The following HMX1 variants were observed in gnomAD, a reference collection of about 807,000 sequenced individuals.
HMX1 encodes homeobox protein HMX1.
Under a neutral mutation model 8.9 loss-of-function variants are expected in HMX1, and 8 were observed. The observed-to-expected ratio is 0.90, with a 90% CI of 0.53 to 1.63. The LOEUF is 1.63. HMX1 is among the 40% of genes most tolerant of loss of function. The pLI is 0.00. For synonymous variants in HMX1, 311 were observed against 283.4 expected (o/e 1.10, Z -0.98); for missense variants, 621 against 558.5 (o/e 1.11, Z -1.13).
In HMX1 at chr4:8,868,064, G is replaced by C. The variant is rs781198310; in HGVS notation, c.676C>G (p.Arg226Gly). 6.5e-7 allele frequency: 1 copy of C among 1,539,688 alleles called. No individual in the cohort carries two copies. The highest frequency in any genetic ancestry group is 8.7e-7 in the Non-Finnish European group (1 of 1,146,218). ...GCGCGCTCGGCGCTGCTCAGGTAGC[G>C]CTTCAGGTCGAAGGTGGATTCCAGC... ...FQLESTFDLK[R>G]YLSSAERAGL... The change falls in exon 2 of 2, where the codon CGC becomes GGC. Residue 226 changes from arginine (R) to glycine (G), a missense_variant. Physicochemically the swap from Arg to Gly is moderately radical, Grantham distance 125 (BLOSUM62 -2). Coordinates refer to ENST00000400677, the MANE Select transcript of HMX1 (RefSeq NM_018942.3). This position sits in a 1 kb window ranked among gnomAD's most constrained non-coding sequence, Gnocchi z 4.6.
downstream of HMX1, among the ~76,000 whole-genome samples, chr4:8,863,038 C>T (rs1045506998): frequency 2.0e-5 from 2 of 99,318 alleles, no homozygotes; most frequent in East Asian, 3.2e-4. Flanking sequence ...GCCCAGCGAA[C>T]GAATTTCCGG....
rs961487577 is a variant in HMX1 at position 8,871,189 on chromosome 4, G to A, written c.394+32C>T. ...CGCAGGGAGGAAGTCGGGCCCCACC[G>A]CCTGACCCACCCTCCCCGCGCCCTC... On this transcript the variant is annotated intron_variant, in intron 1 of 1. Coordinates refer to ENST00000400677, the MANE Select transcript of HMX1 (RefSeq NM_018942.3). The surrounding 1 kb of genome is among the most constrained non-coding windows in gnomAD (Gnocchi z 4.8). 13 of 1,381,342 alleles carry A rather than the reference G, an allele frequency of 9.4e-6. No individual in the cohort carries two copies. The highest frequency in any genetic ancestry group is 1.5e-5 in the African/African-American group (1 of 64,684). 85.6% of individuals were successfully genotyped at this position (1,381,342 alleles called of 1,614,324 possible). A position where few individuals can be genotyped will look rare whatever the true frequency, so the allele number is the denominator to read the frequency against.
chr4:8,858,234 G>C (rs1030688778), intron 1 of HMX1, among the ~76,000 whole-genome samples: 1 of 152,136 alleles, frequency 6.6e-6, no homozygotes, highest in Non-Finnish European at 1.5e-5. Flanking sequence ...CGCGCGCGGA[G>C]CTGGAGCCCC....
Position 8,867,104 on chromosome 4 carries a change from C to A in HMX1, c.*589G>T. ...AAATAAGTAGATTCATTTAAAAAAA[C>A]AACAACCCGGAGGCTGCGACGTCTG... On this transcript the variant is annotated 3_prime_UTR_variant, in exon 2 of 2. Transcript: ENST00000400677. 2.0e-6 allele frequency: 2 copies of A among 985,438 alleles called. No individual in the cohort carries two copies. The highest frequency in any genetic ancestry group is 1.7e-5 in the African/African-American group (1 of 57,354). 61.0% of individuals were successfully genotyped at this position (985,438 alleles called of 1,614,324 possible).
At chr4:8,852,149 A>G (rs934059331) in intron 1 of HMX1, among the ~76,000 whole-genome samples, 6 of 152,240 alleles carry the variant, frequency 3.9e-5, no homozygotes, top group South Asian at 2.1e-4. Context: ...CCTGCATTCA[A>G]TGGGCAATCA....
chr4:8,871,080 C>G lies in HMX1; in HGVS notation c.394+141G>C. On this transcript the variant is annotated intron_variant, in intron 1 of 1. Transcript: ENST00000400677. This position sits in a 1 kb window ranked among gnomAD's most constrained non-coding sequence, Gnocchi z 4.8. ...AGCCCAACCAGGGGCTCCTGGGGGC[C>G]CCACAAGGCCCAGACGCCGTTCCAC... 1 of 969,168 alleles carries G rather than the reference C, an allele frequency of 1.0e-6. No individual in the cohort carries two copies. Among genetic ancestry groups the G allele is most frequent in the Non-Finnish European group, 1.3e-6 (1 of 747,496 alleles). 60.0% of individuals were successfully genotyped at this position (969,168 alleles called of 1,614,324 possible). A position where few individuals can be genotyped will look rare whatever the true frequency, so the allele number is the denominator to read the frequency against.
downstream of HMX1, among the ~76,000 whole-genome samples, chr4:8,862,852 G>A (rs996845505): frequency 1.3e-5 from 2 of 152,168 alleles, no homozygotes; most frequent in Non-Finnish European, 2.9e-5. Flanking sequence ...AGCTGTTCTC[G>A]GCGCCCGATC....
rs764870860 is a variant in HMX1, at chr4:8,867,950, C to A, written c.790G>T (p.Ala264Ser). 1 of 1,493,760 alleles carries A rather than the reference C, an allele frequency of 6.7e-7. No homozygotes were observed. The highest frequency in any genetic ancestry group is 1.3e-5 in the South Asian group (1 of 78,992). 92.5% of individuals were successfully genotyped at this position (1,493,760 alleles called of 1,614,324 possible). Residue 264 changes from alanine (A) to serine (S), a missense_variant, in exon 2 of 2, where the codon GCC (alanine) becomes TCC (serine). By Grantham distance (99) the Ala-to-Ser change is moderately conservative. Transcript: ENST00000400677. ...RRNKWKRQLA[A>S]ELEAASLSPP... ...GACAGGCTGGCCGCCTCCAGCTCGG[C>A]TGCCAGCTGCCGCTTCCACTTGTTG...
At position 8,870,604 on chromosome 4, in the gene HMX1, A is replaced by G. The variant is rs925094561; in HGVS notation, c.394+617T>C. Among the ~76,000 whole-genome samples the G allele has an allele frequency of 6.6e-6, 1 of 152,126 alleles. No individual in the cohort carries two copies. The highest frequency in any genetic ancestry group is 1.5e-5 in the Non-Finnish European group (1 of 68,002). On this transcript the variant is annotated intron_variant, in intron 1 of 1. Coordinates refer to ENST00000400677, the MANE Select transcript of HMX1 (RefSeq NM_018942.3). The surrounding 1 kb of genome is among the most constrained non-coding windows in gnomAD (Gnocchi z 4.4). ...TGTCTGCAGCGGGCACAGAGGAAAC[A>G]GGACTCTGGGGGGGCACAGCTGCCA...
In HMX1 at chr4:8,868,037, C is replaced by T. The variant is rs1722074687; in HGVS notation, c.703G>A (p.Gly235Ser). ...GTGAGCTGCAGGGAGGCGGCCAGGC[C>T]GGCGCGCTCGGCGCTGCTCAGGTAG... The part of the protein sequence containing the change: ...KRYLSSAERA[G>S]LAASLQLTET... Residue 235 changes from glycine (G) to serine (S), a missense_variant, in exon 2 of 2, where the codon GGC (glycine) becomes AGC (serine). Physicochemically the swap from Gly to Ser is moderately conservative, Grantham distance 56 (BLOSUM62 0). Transcript: ENST00000400677. This position sits in a 1 kb window ranked among gnomAD's most constrained non-coding sequence, Gnocchi z 4.6. 6.5e-7 allele frequency: 1 copy of T among 1,533,976 alleles called. No homozygotes were observed.
In HMX1 at chr4:8,867,547, G is replaced by A. The variant is rs146878642; in HGVS notation, c.*146C>T. 10,112 of 1,184,266 alleles carry A rather than the reference G, an allele frequency of 8.5e-3. 561 individuals carry two copies. In the African/African-American group the frequency reaches 0.12, roughly 15 times the overall value. The allele number at this position is 1,184,266 out of a possible 1,614,324, so 73.4% of individuals were successfully genotyped here. A position where few individuals can be genotyped will look rare whatever the true frequency, so the allele number is the denominator to read the frequency against. On this transcript the variant is annotated 3_prime_UTR_variant, in exon 2 of 2. Transcript: ENST00000400677. The stretch of plus-strand genomic sequence containing the variant: ...TCCCCACAGAAGCTGAGGCCCGCCC[G>A]GCCGCGGCCTGCGCTCCCGAGGTAT...
At chr4:8,851,834 C>T (rs1464547878) in intron 1 of HMX1, among the ~76,000 whole-genome samples, 2 of 152,256 alleles carry the variant, frequency 1.3e-5, no homozygotes, top group Non-Finnish European at 2.9e-5. Context: ...GACCATCATT[C>T]CCACCAGCAG....
In HMX1 at chr4:8,871,639, G is replaced by A. The variant is rs1722229762; in HGVS notation, c.-25C>T. ...TCGCGGCCGCGGGCTTCTCGGGCTCGGCCGGGCTCCTCGGTCCCCGCTGGG... is the reference window on the plus strand; with the variant it reads ...TCGCGGCCGCGGGCTTCTCGGGCTCAGCCGGGCTCCTCGGTCCCCGCTGGG... On this transcript the variant is annotated 5_prime_UTR_variant, in exon 1 of 2. Transcript: ENST00000400677. This position sits in a 1 kb window ranked among gnomAD's most constrained non-coding sequence, Gnocchi z 4.8. The A allele has an allele frequency of 1.6e-6, 2 of 1,235,580 alleles. No homozygotes were observed. The highest frequency in any genetic ancestry group is 3.5e-5 in the East Asian group (1 of 28,274). 76.5% of individuals were successfully genotyped at this position (1,235,580 alleles called of 1,614,324 possible).
Position 8,870,103 on chromosome 4 carries a change from G to A in HMX1, c.394+1118C>T, listed in dbSNP as rs1041593836. Reference sequence around the variant, plus strand: ...GTTATCTAACAAGTGAGTGAGGGTCGTAGGCCACTTACTCCCCAGCACACA... The same window carrying A: ...GTTATCTAACAAGTGAGTGAGGGTCATAGGCCACTTACTCCCCAGCACACA... On this transcript the variant is annotated intron_variant, in intron 1 of 1. Transcript: ENST00000400677. This position sits in a 1 kb window ranked among gnomAD's most constrained non-coding sequence, Gnocchi z 4.4. Among the ~76,000 whole-genome samples, 3 of 152,040 alleles carry A rather than the reference G, an allele frequency of 2.0e-5. No homozygotes were observed. Among genetic ancestry groups the A allele is most frequent in the African/African-American group, 4.8e-5 (2 of 41,384 alleles).
intron 1 of HMX1, among the ~76,000 whole-genome samples, chr4:8,857,216 G>A (rs931979229): frequency 3.3e-5 from 5 of 152,220 alleles, no homozygotes; most frequent in Non-Finnish European, 5.9e-5. Context: ...TGCAGCCGCC[G>A]AGGAAGCGTC....
chr4:8,867,497 G>T lies in HMX1; in HGVS notation c.*196C>A, dbSNP rs977287271. ...GGATCCAGCCTGGCAAATGGGTGGG[G>T]CGTCCCATTACATTCTAGAGGCGCT... On this transcript the variant is annotated 3_prime_UTR_variant, in exon 2 of 2. Transcript: ENST00000400677. 2 of 1,174,394 alleles carry T rather than the reference G, an allele frequency of 1.7e-6. No individual in the cohort carries two copies. Among genetic ancestry groups the T allele is most frequent in the African/African-American group, 1.6e-5 (1 of 62,330 alleles). The allele number at this position is 1,174,394 out of a possible 1,614,324, so 72.7% of individuals were successfully genotyped here.
At chr4:8,857,986 G>A (rs933651510) in intron 1 of HMX1, among the ~76,000 whole-genome samples, 1 of 151,992 alleles carries the variant, frequency 6.6e-6, no homozygotes, top group Non-Finnish European at 1.5e-5. Flanking sequence ...GAAGCCGAGG[G>A]GTGGCTTTTA....
At chr4:8,860,112 G>T (rs957045306) in intron 1 of HMX1, among the ~76,000 whole-genome samples, 2 of 152,258 alleles carry the variant, frequency 1.3e-5, no homozygotes, top group Non-Finnish European at 2.9e-5. Flanking sequence ...AAGTGCGCGG[G>T]TCAGCAGGGC....
chr4:8,865,413 C>T (rs1291512416), downstream of HMX1, among the ~76,000 whole-genome samples: 2 of 152,164 alleles, frequency 1.3e-5, no homozygotes, highest in African/African-American at 2.4e-5. Context: ...CGAGGCAGTG[C>T]CACCGGCACA....
Sources: allele counts gnomAD v4.1 joint callset (sites outside exome capture counted in the v4.1 genomes callset), GRCh38; gene constraint gnomAD v4.1.1; non-coding constraint Gnocchi (gnomAD v3.1); transcripts MANE v1.5; gene names NCBI Gene and HGNC (gene_info 2026-07-23, HGNC 2026-07-21).